LRRC37A2: variants seen among roughly 807,000 people sequenced by gnomAD.
The protein encoded by LRRC37A2 is leucine-rich repeat-containing protein 37A2.
LRRC37A2 carries 9 observed loss-of-function variants against 68.8 expected under a neutral mutation model. The ratio of observed to expected loss-of-function variants is 0.13; its 90% CI spans 0.08 to 0.23. LRRC37A2 has a LOEUF of 0.23. LRRC37A2 is among the 10% of genes least tolerant of loss of function. LRRC37A2 has a pLI of 1.00. For synonymous variants in LRRC37A2, 63 were observed against 367.6 expected (o/e 0.17, Z 9.48); for missense variants, 168 against 950.4 (o/e 0.18, Z 10.82).
At chr17:46,914,513 T>A in the LRRC37A2 span, among the ~76,000 whole-genome samples, 1 of 151,408 alleles carries the variant, frequency 6.6e-6, no homozygotes, top group Non-Finnish European at 1.5e-5. Flanking sequence ...TAGCCAGGCG[T>A]AGTGGTGCAT....
At chr17:46,910,245 G>C in the LRRC37A2 span, 2 of 152,180 alleles carry the variant, frequency 1.3e-5, no homozygotes, top group African/African-American at 4.8e-5. Context: ...AGGACTCATT[G>C]AGTGGCATGG....
chr17:46,939,725 C>T, the LRRC37A2 span: 1 of 986,566 alleles, frequency 1.0e-6, no homozygotes, highest in Admixed American at 6.1e-5. Context: ...GTGGAGACAT[C>T]TGTAGTGTGT....
the LRRC37A2 span, among the ~76,000 whole-genome samples, chr17:46,864,189 C>T: frequency 1.3e-5 from 2 of 152,280 alleles, no homozygotes; most frequent in African/African-American, 4.8e-5. Flanking sequence ...TTGGTCAATG[C>T]GTCATGGTTA....
the LRRC37A2 span, among the ~76,000 whole-genome samples, chr17:46,717,132 A>G: frequency 2.0e-5 from 3 of 152,230 alleles, no homozygotes; most frequent in South Asian, 6.2e-4. Flanking sequence ...AATGTGACAC[A>G]TATACACTGT....
At chr17:46,959,010 A>G in the LRRC37A2 span, among the ~76,000 whole-genome samples, 1 of 152,266 alleles carries the variant, frequency 6.6e-6, no homozygotes, top group Non-Finnish European at 1.5e-5. Flanking sequence ...CTGTGCAGCC[A>G]TGAAGAGTGG....
the LRRC37A2 span, among the ~76,000 whole-genome samples, chr17:46,786,929 CTTTTCTT>C: frequency 1.3e-5 from 2 of 150,712 alleles, no homozygotes; most frequent in African/African-American, 2.5e-5. Context: ...GGCCATTTTT[CTTTTCTT>C]TTTTCTTTTT....
the LRRC37A2 span, among the ~76,000 whole-genome samples, chr17:46,777,030 C>A: frequency 1.3e-5 from 2 of 152,120 alleles, no homozygotes; most frequent in African/African-American, 2.4e-5. Context: ...TAAGGGAGCA[C>A]AAAGCCCATT....
At chr17:46,857,524 C>T in the LRRC37A2 span, among the ~76,000 whole-genome samples, 2 of 148,918 alleles carry the variant, frequency 1.3e-5, no homozygotes, top group African/African-American at 4.9e-5. Context: ...CAGTTTTGGA[C>T]TATTCCAAAT....
the LRRC37A2 span, chr17:47,027,596 T>C: frequency 1.2e-4 from 165 of 1,354,094 alleles, no homozygotes; most frequent in African/African-American, 2.1e-3. Flanking sequence ...TTGAAAGACA[T>C]ACATTTGAAC....
At chr17:46,936,255 C>G in the LRRC37A2 span, 2 of 985,252 alleles carry the variant, frequency 2.0e-6, no homozygotes, top group Admixed American at 6.1e-5. Context: ...CTTTTCATAT[C>G]TCAGAAAAAC....
At chr17:46,896,289 C>G in the LRRC37A2 span, among the ~76,000 whole-genome samples, 2 of 129,500 alleles carry the variant, frequency 1.5e-5, no homozygotes, top group Non-Finnish European at 3.6e-5. Context: ...GTGAGACTCT[C>G]TCTCAAAAAA....
the LRRC37A2 span, among the ~76,000 whole-genome samples, chr17:46,742,089 C>T: frequency 6.6e-6 from 1 of 152,182 alleles, no homozygotes; most frequent in Non-Finnish European, 1.5e-5. Flanking sequence ...AGGTTAATGA[C>T]AGCTAATGAA....
chr17:46,941,212 G>A, the LRRC37A2 span: 1 of 997,846 alleles, frequency 1.0e-6, no homozygotes. Flanking sequence ...AAGTAAGTTA[G>A]AGGAGTCTTG....
the LRRC37A2 span, chr17:46,851,694 C>T: frequency 6.1e-6 from 8 of 1,309,526 alleles, no homozygotes; most frequent in African/African-American, 6.2e-5. The surrounding 1 kb of genome is among the most constrained non-coding windows in gnomAD (Gnocchi z 4.3). Context: ...GCGCTGCCCG[C>T]CGCCGCCGCC....
At chr17:46,779,281 G>C in the LRRC37A2 span, among the ~76,000 whole-genome samples, 24 of 152,358 alleles carry the variant, frequency 1.6e-4, no homozygotes, top group Admixed American at 1.2e-3. Flanking sequence ...CGCTGAGGAA[G>C]TTCCTACGTT....
chr17:46,494,097 G>A, the LRRC37A2 span, among the ~76,000 whole-genome samples: 10,144 of 134,496 alleles, frequency 0.075, 5 homozygotes, highest in Non-Finnish European at 0.12. Flanking sequence ...TGCCTACCTT[G>A]GCCTCCCAAA....
At chr17:47,040,483 C>T in the LRRC37A2 span, among the ~76,000 whole-genome samples, 6 of 150,818 alleles carry the variant, frequency 4.0e-5, no homozygotes, top group Non-Finnish European at 5.9e-5. Flanking sequence ...TTTGGTGTTA[C>T]TGCTGCTTGT....
At chr17:46,939,662 G>A in the LRRC37A2 span, 1 of 985,582 alleles carries the variant, frequency 1.0e-6, no homozygotes, top group East Asian at 1.1e-4. Context: ...AAATATATTA[G>A]CACCTGCCAG....
the LRRC37A2 span, chr17:46,917,372 G>T: frequency 6.6e-6 from 1 of 152,242 alleles, no homozygotes; most frequent in African/African-American, 2.4e-5. Flanking sequence ...GGCAAGAAAA[G>T]AAGGGTAACT....
Sources: allele counts gnomAD v4.1 joint callset (sites outside exome capture counted in the v4.1 genomes callset), GRCh38; gene constraint gnomAD v4.1.1; non-coding constraint Gnocchi (gnomAD v3.1); transcripts MANE v1.5; gene names NCBI Gene and HGNC (gene_info 2026-07-23, HGNC 2026-07-21).